Variants in TYW1 observed in about 807,000 individuals in gnomAD.
The protein encoded by TYW1 is S-adenosyl-L-methionine-dependent tRNA 4-demethylwyosine synthase TYW1.
In TYW1, 46 loss-of-function variants were observed where a neutral mutation model predicts 96.2. The ratio of observed to expected loss-of-function variants is 0.48; its 90% CI spans 0.38 to 0.61. The LOEUF (loss-of-function observed/expected upper bound fraction) is 0.61. Ranked by LOEUF, TYW1 falls within the 20% of genes least tolerant of loss-of-function variation. The probability of loss-of-function intolerance (pLI) is 0.00; values close to 1 mark genes in which losing one functional copy is unlikely to be tolerated. For synonymous variants in TYW1, 274 were observed against 323.0 expected, an observed-to-expected ratio of 0.85 and a Z score of 1.63; for missense variants, 684 against 909.6, an observed-to-expected ratio of 0.75 and a Z score of 3.19.
intron 10 of TYW1, among the ~76,000 whole-genome samples, chr7:67,067,804 G>A (rs3736550): frequency 0.037 from 5,613 of 152,040 alleles, 302 homozygotes; most frequent in East Asian, 0.16. Flanking sequence ...TAAGGTGTCA[G>A]CTTGGGTGTC....
intron 13 of TYW1, among the ~76,000 whole-genome samples, chr7:67,142,910 G>A (rs1392408596): frequency 1.3e-5 from 2 of 152,000 alleles, no homozygotes; most frequent in Non-Finnish European, 2.9e-5. Context: ...AAAATTAGCC[G>A]GGCGTGGTGG....
At position 67,117,555 on chromosome 7, in the gene TYW1, C is replaced by T; in HGVS notation, c.1635C>T (p.Asp545=). Residue 545 remains aspartate, a synonymous_variant, in exon 13 of 16, where the codon GAC becomes GAT. Coordinates refer to ENST00000359626, the MANE Select transcript of TYW1 (RefSeq NM_018264.4). ...ASTKDSLKKI[D]RPLFKDFWQR... ...CCAAAGACAGCCTGAAGAAAATCGA[C>T]CGCCCACTCTTCAAGGATTTCTGGC... 6.2e-7 allele frequency: 1 copy of T among 1,614,056 alleles called. No individual in the cohort carries two copies. The highest frequency in any genetic ancestry group is 8.5e-7 in the Non-Finnish European group (1 of 1,179,976).
intron 13 of TYW1, among the ~76,000 whole-genome samples, chr7:67,130,555 T>G (rs995903869): frequency 3.3e-5 from 5 of 151,714 alleles, no homozygotes; most frequent in Admixed American, 3.3e-4. Context: ...TCCCAGCTAC[T>G]CGGGAGGCTG....
At chr7:67,080,819 AAAT>A (rs1796362583) in intron 10 of TYW1, among the ~76,000 whole-genome samples, 1 of 151,764 alleles carries the variant, frequency 6.6e-6, no homozygotes, top group Non-Finnish European at 1.5e-5. Flanking sequence ...TTTTTTTTTA[AAAT>A]TCATTCAGCC....
At chr7:67,051,066 G>T (rs1029453629) in intron 8 of TYW1, among the ~76,000 whole-genome samples, 9 of 151,734 alleles carry the variant, frequency 5.9e-5, no homozygotes, top group African/African-American at 2.2e-4. Flanking sequence ...TAATTTTTTT[G>T]CCATGTTGGC....
At chr7:67,046,713 T>C (rs1194543059) in intron 7 of TYW1, among the ~76,000 whole-genome samples, 1 of 152,232 alleles carries the variant, frequency 6.6e-6, no homozygotes, top group Non-Finnish European at 1.5e-5. Context: ...ATTACATTTC[T>C]TTTCAGAAAC....
chr7:67,109,780 T>C (rs1330209068), intron 12 of TYW1, among the ~76,000 whole-genome samples: 1 of 152,142 alleles, frequency 6.6e-6, no homozygotes, highest in Non-Finnish European at 1.5e-5. Context: ...CTCGAGAGGC[T>C]GAGGCAAGAG....
intron 13 of TYW1, among the ~76,000 whole-genome samples, chr7:67,149,049 C>T (rs759261889): frequency 3.3e-5 from 5 of 152,288 alleles, no homozygotes; most frequent in Admixed American, 6.5e-5. Context: ...CATTTTACCC[C>T]GTTACCAAGT....
intron 7 of TYW1, among the ~76,000 whole-genome samples, chr7:67,035,708 T>C (rs1335870402): frequency 6.6e-6 from 1 of 152,166 alleles, no homozygotes; most frequent in Non-Finnish European, 1.5e-5. Flanking sequence ...AGATGGAGTC[T>C]TCCTCTGTTG....
chr7:67,013,210 C>G (rs1793877334), intron 4 of TYW1, among the ~76,000 whole-genome samples: 1 of 151,550 alleles, frequency 6.6e-6, no homozygotes, highest in African/African-American at 2.4e-5. Flanking sequence ...GCAGCCTCTG[C>G]CTCCTGGGCT....
At chr7:67,204,480 CT>C (rs1398479749) in intron 15 of TYW1, among the ~76,000 whole-genome samples, 2 of 149,832 alleles carry the variant, frequency 1.3e-5, no homozygotes, top group Non-Finnish European at 3.0e-5. Context: ...CCCTTCCTTC[CT>C]TCCTCCCTCC....
chr7:67,175,989 A>G (rs1166500124), intron 13 of TYW1, among the ~76,000 whole-genome samples: 1 of 152,198 alleles, frequency 6.6e-6, no homozygotes, highest in Non-Finnish European at 1.5e-5. Flanking sequence ...ATAAATGTGT[A>G]CATAAACAAT....
Position 67,239,338 on chromosome 7 carries a change from G to A in TYW1, c.*809G>A. 1 of 985,356 alleles carries A rather than the reference G, an allele frequency of 1.0e-6. No individual in the cohort carries two copies. Among genetic ancestry groups the A allele is most frequent in the Non-Finnish European group, 1.2e-6 (1 of 829,898 alleles). 61.0% of individuals were successfully genotyped at this position (985,356 alleles called of 1,614,324 possible). On this transcript the variant is annotated 3_prime_UTR_variant, in exon 16 of 16. Transcript: ENST00000359626. The stretch of plus-strand genomic sequence containing the variant: ...CCTCTCATATCATGACCAGACGGCG[G>A]GTCTCCATCTTCTTTCACTCCTGTG...
intron 7 of TYW1, among the ~76,000 whole-genome samples, chr7:67,029,414 T>TATATATATATATATATATATATATATAC (rs1562973615): frequency 7.2e-6 from 1 of 138,376 alleles, no homozygotes. Flanking sequence ...TGTGTGTGTG[T>TATATATATATATATATATATATATATAC]GTATATATAT....
intron 7 of TYW1, among the ~76,000 whole-genome samples, chr7:67,041,848 C>T (rs1263642655): frequency 6.6e-6 from 1 of 151,816 alleles, no homozygotes; most frequent in East Asian, 1.9e-4. Context: ...TCTGTGCTTC[C>T]GTTTTCTCAT....
At chr7:67,072,546 C>CGAGGATTTTTATA (rs1796060459) in intron 10 of TYW1, among the ~76,000 whole-genome samples, 1 of 151,942 alleles carries the variant, frequency 6.6e-6, no homozygotes, top group Non-Finnish European at 1.5e-5. Context: ...CGCGCCTGAC[C>CGAGGATTTTTATA]CCTCTCTACC....
intron 13 of TYW1, among the ~76,000 whole-genome samples, chr7:67,172,061 C>T (rs1173511399): frequency 6.6e-6 from 1 of 152,068 alleles, no homozygotes; most frequent in Non-Finnish European, 1.5e-5. Context: ...GCATGAAATA[C>T]AATAATTGAT....
chr7:67,159,811 A>ATTTATTTT (rs1799102724), intron 13 of TYW1, among the ~76,000 whole-genome samples: 3 of 135,144 alleles, frequency 2.2e-5, no homozygotes, highest in Non-Finnish European at 4.6e-5. Flanking sequence ...TTATTTATTT[A>ATTTATTTT]TTTTTTTGAG....
At chr7:67,098,747 T>C in intron 12 of TYW1, 29 bp downstream of exon 12, 1 of 1,552,072 alleles carries the variant, frequency 6.4e-7, no homozygotes, top group Admixed American at 2.1e-5. Flanking sequence ...GGAGAGATGC[T>C]GCTTGAATCT....
Sources: allele counts gnomAD v4.1 joint callset (sites outside exome capture counted in the v4.1 genomes callset), GRCh38; gene constraint gnomAD v4.1.1; transcripts MANE v1.5; gene names NCBI Gene and HGNC (gene_info 2026-07-23, HGNC 2026-07-21).